The following CACNA1I variants were observed in gnomAD, a reference collection of about 807,000 sequenced individuals.
The protein encoded by CACNA1I is voltage-dependent T-type calcium channel subunit alpha-1I.
A neutral mutation model predicts 201.6 loss-of-function variants in CACNA1I; 74 were observed. The observed-to-expected ratio is 0.37, with a 90% CI of 0.30 to 0.45. CACNA1I has a LOEUF of 0.45. CACNA1I is among the 20% of genes least tolerant of loss of function. The pLI is 1.00. For synonymous variants in CACNA1I, 1,431 were observed against 1,345.2 expected, an observed-to-expected ratio of 1.06 and a Z score of -1.40; for missense variants, 2,346 against 3,138.1, an observed-to-expected ratio of 0.75 and a Z score of 6.03.
chr22:39,666,494 C>T lies in CACNA1I; in HGVS notation c.4104+488C>T, dbSNP rs1050288207. Among the ~76,000 whole-genome samples the T allele has an allele frequency of 6.6e-6, 1 of 152,208 alleles. No individual in the cohort carries two copies. The highest frequency in any genetic ancestry group is 2.1e-4 in the South Asian group (1 of 4,832). On this transcript the variant is annotated intron_variant, in intron 23 of 36. Transcript: ENST00000402142. This position sits in a 1 kb window ranked among gnomAD's most constrained non-coding sequence, Gnocchi z 4.1. ...CCCTCACCCACCGCTGCTCTCTGCT[C>T]TGTCGGCAGGCAGACCCCTGCCTGG...
rs1425044404 is a variant in CACNA1I, at chr22:39,687,189, T to G, written c.*784T>G. ...CAGCTCCAAGGCTGAGCTGGGGCTCTGGCCCCAGGTGAGGTCCCCAGCTCC... is the reference window on the plus strand; with the variant it reads ...CAGCTCCAAGGCTGAGCTGGGGCTCGGGCCCCAGGTGAGGTCCCCAGCTCC... On this transcript the variant is annotated 3_prime_UTR_variant, in exon 37 of 37. Coordinates refer to ENST00000402142, the MANE Select transcript of CACNA1I (RefSeq NM_021096.4). 6.6e-6 allele frequency: 1 copy of G among 152,048 alleles called. No homozygotes were observed. Among genetic ancestry groups the G allele is most frequent in the Non-Finnish European group, 1.5e-5 (1 of 68,014 alleles). 9.4% of individuals were successfully genotyped at this position (152,048 alleles called of 1,614,324 possible). A position where few individuals can be genotyped will look rare whatever the true frequency, so the allele number is the denominator to read the frequency against.
At position 39,665,045 on chromosome 22, in the gene CACNA1I, C is replaced by T; in HGVS notation, c.3851+122C>T. ...CCACTCGGTCCTCCAATAGTGAGTG[C>T]CAAACACCCTGAGCTGTTCCCGGGG... On this transcript the variant is annotated intron_variant, in intron 21 of 36. Coordinates refer to ENST00000402142, the MANE Select transcript of CACNA1I (RefSeq NM_021096.4). The surrounding 1 kb of genome is among the most constrained non-coding windows in gnomAD (Gnocchi z 5.5). The T allele has an allele frequency of 1.1e-6, 1 of 887,326 alleles. No individual in the cohort carries two copies. 55.0% of individuals were successfully genotyped at this position (887,326 alleles called of 1,614,324 possible). A position where few individuals can be genotyped will look rare whatever the true frequency, so the allele number is the denominator to read the frequency against.
intron 1 of CACNA1I, among the ~76,000 whole-genome samples, chr22:39,578,630 G>A (rs1043414416): frequency 1.1e-4 from 16 of 151,952 alleles, no homozygotes; most frequent in South Asian, 1.0e-3. Flanking sequence ...GGGTTTGTCT[G>A]CTGTCAAGTG....
At chr22:39,577,401 G>A (rs1024235744) in intron 1 of CACNA1I, among the ~76,000 whole-genome samples, 5 of 152,138 alleles carry the variant, frequency 3.3e-5, no homozygotes, top group South Asian at 2.1e-4. Context: ...CCTGCCTCTC[G>A]CATCCACTGG....
Position 39,648,695 on chromosome 22 carries a change from T to G in CACNA1I, c.1567+769T>G, listed in dbSNP as rs1934562641. Among the ~76,000 whole-genome samples the G allele has an allele frequency of 6.6e-6, 1 of 152,044 alleles. No individual in the cohort carries two copies. Among genetic ancestry groups the G allele is most frequent in the Non-Finnish European group, 1.5e-5 (1 of 68,000 alleles). ...TTCCCTTTCATGTTACTTTTTTGGCTTACACAAGCAAAATGTGTTTATTCT... is the reference window on the plus strand; with the variant it reads ...TTCCCTTTCATGTTACTTTTTTGGCGTACACAAGCAAAATGTGTTTATTCT... On this transcript the variant is annotated intron_variant, in intron 9 of 36. Transcript: ENST00000402142. This position sits in a 1 kb window ranked among gnomAD's most constrained non-coding sequence, Gnocchi z 5.4.
In CACNA1I at chr22:39,678,961, G is replaced by A. The variant is rs1935596492; in HGVS notation, c.5056-146G>A. On this transcript the variant is annotated intron_variant, in intron 31 of 36. Coordinates refer to ENST00000402142, the MANE Select transcript of CACNA1I (RefSeq NM_021096.4). ...TGAGGCAGGCAGATGCCGCAACAAG[G>A]CAGAGTGGGGCAGGGCAGCCCGGGG... The A allele has an allele frequency of 3.7e-5, 23 of 624,894 alleles. No homozygotes were observed. The East Asian group carries it at 6.7e-4, about 18-fold the overall frequency. 38.7% of individuals were successfully genotyped at this position (624,894 alleles called of 1,614,324 possible).
At chr22:39,578,583 G>T (rs779226037) in intron 1 of CACNA1I, among the ~76,000 whole-genome samples, 25 of 151,864 alleles carry the variant, frequency 1.6e-4, no homozygotes, top group Non-Finnish European at 2.9e-4. Context: ...TCTCCCCTGG[G>T]CTCCCCCTCT....
Position 39,677,979 on chromosome 22 carries a change from G to C in CACNA1I, c.4934-8G>C, listed in dbSNP as rs774789496. On this transcript the variant is annotated splice_region_variant and splice_polypyrimidine_tract_variant and intron_variant, in intron 30 of 36. Transcript: ENST00000402142. The surrounding 1 kb of genome is among the most constrained non-coding windows in gnomAD (Gnocchi z 4.8). ...ATCGGGCAGGGCTGACCTCCTCCCC[G>C]CTTCCAGTCTGCAACGACGAGAACC... is the stretch of plus-strand genomic sequence containing the variant. 3.8e-6 allele frequency: 6 copies of C among 1,581,810 alleles called. No homozygotes were observed. In the Admixed American group the frequency reaches 9.0e-5, roughly 24 times the overall value.
intron 26 of CACNA1I, 43 bp downstream of exon 26, chr22:39,670,997 G>C: frequency 6.2e-7 from 1 of 1,605,120 alleles, no homozygotes; most frequent in Non-Finnish European, 8.5e-7. Context: ...ACAAGGTGAG[G>C]GTGGGGTCTC....
rs1490127775 is a variant in CACNA1I, at chr22:39,688,557, G to C, written c.*2152G>C. On this transcript the variant is annotated 3_prime_UTR_variant, in exon 37 of 37. Coordinates refer to ENST00000402142, the MANE Select transcript of CACNA1I (RefSeq NM_021096.4). This position sits in a 1 kb window ranked among gnomAD's most constrained non-coding sequence, Gnocchi z 4.8. ...TGTATTGGAGCCCAGAAGAGGGGCTGTGTGGCCTGGGAATACCATGTGGAA... is the reference window on the plus strand; with the variant it reads ...TGTATTGGAGCCCAGAAGAGGGGCTCTGTGGCCTGGGAATACCATGTGGAA... 6.6e-6 allele frequency: 1 copy of C among 152,208 alleles called. No individual in the cohort carries two copies. The highest frequency in any genetic ancestry group is 2.4e-5 in the African/African-American group (1 of 41,426). 9.4% of individuals were successfully genotyped at this position (152,208 alleles called of 1,614,324 possible).
At chr22:39,622,393 G>A (rs1933771518) in intron 4 of CACNA1I, among the ~76,000 whole-genome samples, 1 of 151,520 alleles carries the variant, frequency 6.6e-6, no homozygotes, top group Non-Finnish European at 1.5e-5. Context: ...AGGGCTGGGC[G>A]GCAGTAGCGG....
chr22:39,644,634 T>C (rs1934432414), intron 7 of CACNA1I, among the ~76,000 whole-genome samples: 1 of 151,752 alleles, frequency 6.6e-6, no homozygotes, highest in Non-Finnish European at 1.5e-5. Flanking sequence ...AGGTGAGGGG[T>C]CCTTGGCCTT....
At chr22:39,650,098 C>T (rs977860623) in intron 10 of CACNA1I, among the ~76,000 whole-genome samples, 173 bp downstream of exon 10, 8 of 151,852 alleles carry the variant, frequency 5.3e-5, no homozygotes, top group Admixed American at 1.3e-4. Flanking sequence ...CAGCCAGGGC[C>T]GAGCTCAGAG....
intron 1 of CACNA1I, among the ~76,000 whole-genome samples, chr22:39,577,705 C>T (rs751378097): frequency 1.3e-4 from 20 of 152,240 alleles, no homozygotes; most frequent in African/African-American, 1.7e-4. Flanking sequence ...TGGCGAGAAA[C>T]GACGGTGGAC....
chr22:39,662,130 G>A lies in CACNA1I; in HGVS notation c.3067G>A (p.Asp1023Asn). Reference protein sequence around the residue: ...GGARVCEVAADEGPPRAAPLH... With the variant: ...GGARVCEVAANEGPPRAAPLH... ...CGCCCGGGTCTGCGAGGTTGCCGCG[G>A]ACGAGGGGCCGCCGCGGGCCGCACC... is the stretch of plus-strand genomic sequence containing the variant. The change falls in exon 17 of 37, where the codon GAC becomes AAC. Residue 1023 changes from aspartate (D) to asparagine (N), a missense_variant. Around this residue, in one of 13 missense-constraint regions of CACNA1I, gnomAD observed 288 missense variants for 255.2 expected, o/e 1.13. Coordinates refer to ENST00000402142, the MANE Select transcript of CACNA1I (RefSeq NM_021096.4). The A allele has an allele frequency of 6.6e-7, 1 of 1,526,688 alleles. No individual in the cohort carries two copies. The highest frequency in any genetic ancestry group is 1.2e-5 in the South Asian group (1 of 82,304). 94.6% of individuals were successfully genotyped at this position (1,526,688 alleles called of 1,614,324 possible).
chr22:39,619,406 C>T lies in CACNA1I; in HGVS notation c.579C>T (p.Pro193=), dbSNP rs777201986. The change falls in exon 4 of 37, where the codon CCC becomes CCT. Residue 193 remains proline, a splice_region_variant and synonymous_variant. Transcript: ENST00000402142. ...CCCTCAAAGCCATCAACCGCGTGCC[C>T]AGTGAGTCAGCCCCGCCCTGTCCAC... ...LRPLKAINRV[P]SMRILVNLLL... is the part of the protein sequence containing the mutation. 5 of 1,604,588 alleles carry T rather than the reference C, an allele frequency of 3.1e-6. No homozygotes were observed. Among genetic ancestry groups the T allele is most frequent in the Non-Finnish European group, 4.2e-6 (5 of 1,177,716 alleles).
chr22:39,612,107 C>T (rs894563759), intron 3 of CACNA1I, among the ~76,000 whole-genome samples: 4 of 152,098 alleles, frequency 2.6e-5, no homozygotes, highest in African/African-American at 9.7e-5. Flanking sequence ...ACTCAGCCCT[C>T]GTGGATGGAT....
Position 39,688,180 on chromosome 22 carries a change from T to A in CACNA1I, c.*1775T>A, listed in dbSNP as rs1935941821. 6.6e-6 allele frequency: 1 copy of A among 152,238 alleles called. No individual in the cohort carries two copies. Among genetic ancestry groups the A allele is most frequent in the Non-Finnish European group, 1.5e-5 (1 of 68,084 alleles). The allele number at this position is 152,238 out of a possible 1,614,324, so 9.4% of individuals were successfully genotyped here. Reference sequence around the variant, plus strand: ...AGGGGAAGCAGCCAGCCCAGGATGCTTCAGGGCCCTGGCAGCAAAGAAGCT... The same window carrying A: ...AGGGGAAGCAGCCAGCCCAGGATGCATCAGGGCCCTGGCAGCAAAGAAGCT... On this transcript the variant is annotated 3_prime_UTR_variant, in exon 37 of 37. Coordinates refer to ENST00000402142, the MANE Select transcript of CACNA1I (RefSeq NM_021096.4). The surrounding 1 kb of genome is among the most constrained non-coding windows in gnomAD (Gnocchi z 4.8).
chr22:39,617,625 G>A (rs1236439226), intron 3 of CACNA1I, among the ~76,000 whole-genome samples: 1 of 152,140 alleles, frequency 6.6e-6, no homozygotes, highest in Non-Finnish European at 1.5e-5. Context: ...TCTCCCGGCT[G>A]CCTGGAGAGC....
Sources: allele counts gnomAD v4.1 joint callset (sites outside exome capture counted in the v4.1 genomes callset), GRCh38; gene constraint gnomAD v4.1.1; regional missense constraint gnomAD v4.1.1; non-coding constraint Gnocchi (gnomAD v3.1); transcripts MANE v1.5; gene names NCBI Gene and HGNC (gene_info 2026-07-23, HGNC 2026-07-21).